Variants in DENND2B observed in about 807,000 individuals in gnomAD.
DENND2B encodes the protein DENN domain-containing protein 2B.
In DENND2B, 32 loss-of-function variants were observed where a neutral mutation model predicts 116.0. That is an observed-to-expected ratio of 0.28 (90% CI 0.21 to 0.37). The LOEUF is 0.37. Ranked by LOEUF, DENND2B falls within the 10% of genes least tolerant of loss-of-function variation. The pLI is 1.00. For synonymous variants in DENND2B, 588 were observed against 583.9 expected, an observed-to-expected ratio of 1.01 and a Z score of -0.10; for missense variants, 1,276 against 1,477.7, an observed-to-expected ratio of 0.86 and a Z score of 2.24.
intron 2 of DENND2B, among the ~76,000 whole-genome samples, chr11:8,734,647 G>A (rs2048665349): frequency 6.6e-6 from 1 of 151,956 alleles, no homozygotes. Flanking sequence ...AAATTAGCTG[G>A]GCGTGGTGGC....
intron 1 of DENND2B, among the ~76,000 whole-genome samples, chr11:8,754,029 G>GCGCGCGCGCACA (rs146486674): frequency 1.3e-3 from 181 of 138,834 alleles, no homozygotes; most frequent in African/African-American, 4.3e-3. Context: ...CCAAAAGCGC[G>GCGCGCGCGCACA]CACACACACA....
In DENND2B at chr11:8,734,768, A is replaced by G. The variant is rs2048691083; in HGVS notation, c.81-3559T>C. ...CACGCCATTGCACTCCGGCCTGGGC[A>G]GCAAGAGTGAAAACAAGAGTCTCAA... On this transcript the variant is annotated intron_variant, in intron 2 of 19. Coordinates refer to ENST00000313726, the MANE Select transcript of DENND2B (RefSeq NM_213618.2). Among the ~76,000 whole-genome samples the G allele has an allele frequency of 2.1e-5, 3 of 144,128 alleles. No individual in the cohort carries two copies. The Admixed American group carries it at 2.2e-4, about 11-fold the overall frequency. 94.6% of individuals were successfully genotyped at this position (144,128 alleles called of 152,430 possible). A position where few individuals can be genotyped will look rare whatever the true frequency, so the allele number is the denominator to read the frequency against.
Position 8,909,437 on chromosome 11 carries a change from G to A in DENND2B, c.-256+1384C>T, listed in dbSNP as rs72852706. On this transcript the variant is annotated intron_variant, in intron 1 of 22. Coordinates refer to the DENND2B transcript ENST00000534127. ...AGAGGAAGAGGAAGGAGGAGGAGGAGGAAGAAGGAGAAGGAGAAGGAGAAG... is the reference window on the plus strand; with the variant it reads ...AGAGGAAGAGGAAGGAGGAGGAGGAAGAAGAAGGAGAAGGAGAAGGAGAAG... 9.9e-3 allele frequency among the ~76,000 whole-genome samples: 1,471 copies of A among 148,848 alleles called. 29 individuals are homozygous for A. The highest frequency in any genetic ancestry group is 0.032 in the African/African-American group (1,306 of 40,656).
chr11:8,734,985 T>C lies in DENND2B; in HGVS notation c.81-3776A>G, dbSNP rs528895376. Among the ~76,000 whole-genome samples, 143 of 114,082 alleles carry C rather than the reference T, an allele frequency of 1.3e-3. 1 individual carries two copies. Among genetic ancestry groups the C allele is most frequent in the African/African-American group, 4.7e-3 (135 of 29,016 alleles). 74.8% of individuals were successfully genotyped at this position (114,082 alleles called of 152,430 possible). On this transcript the variant is annotated intron_variant, in intron 2 of 19. Coordinates refer to ENST00000313726, the MANE Select transcript of DENND2B (RefSeq NM_213618.2). Reference sequence around the variant, plus strand: ...TGGTCAGTTTGCCACTGTCAATGGATCCTGAACGCTGTCGGGGCAGGGGGG... The same window carrying C: ...TGGTCAGTTTGCCACTGTCAATGGACCCTGAACGCTGTCGGGGCAGGGGGG...
rs1200771137 is a variant in DENND2B, at chr11:8,867,637, G to A, written c.-250+3317C>T. Among the ~76,000 whole-genome samples, 6 of 129,160 alleles carry A rather than the reference G, an allele frequency of 4.6e-5. No individual in the cohort carries two copies. The East Asian group carries it at 1.5e-3, about 32-fold the overall frequency. The allele number at this position is 129,160 out of a possible 152,430, so 84.7% of individuals were successfully genotyped here. A position where few individuals can be genotyped will look rare whatever the true frequency, so the allele number is the denominator to read the frequency against. ...TCTGTCACTCAGGCTGCAGTGCAGTGGCATGATCATGGCTTACTGCAGCCT... is the reference window on the plus strand; with the variant it reads ...TCTGTCACTCAGGCTGCAGTGCAGTAGCATGATCATGGCTTACTGCAGCCT... On this transcript the variant is annotated intron_variant, in intron 2 of 6. Transcript: ENST00000524757.
At chr11:8,703,063 T>G in intron 13 of DENND2B, 1 of 256,850 alleles carries the variant, frequency 3.9e-6, no homozygotes, top group Non-Finnish European at 7.6e-6. Context: ...GCCACATCTC[T>G]AGGGTCCTCC....
intron 3 of DENND2B, among the ~76,000 whole-genome samples, chr11:8,840,358 C>T (rs544595615): frequency 7.0e-4 from 107 of 152,256 alleles, no homozygotes; most frequent in Middle Eastern, 6.8e-3. Flanking sequence ...AGCTAAGATT[C>T]TGCTGCTTGG....
At chr11:8,699,920 C>T in intron 14 of DENND2B, 1 of 456,342 alleles carries the variant, frequency 2.2e-6, no homozygotes, top group Non-Finnish European at 4.4e-6. Context: ...TTCCAAGACC[C>T]CAGATTGGCA....
At chr11:8,866,459 T>A (rs998850652) in intron 2 of DENND2B, among the ~76,000 whole-genome samples, 1 of 152,172 alleles carries the variant, frequency 6.6e-6, no homozygotes, top group African/African-American at 2.4e-5. Flanking sequence ...AAAACTAGGT[T>A]CAAGAGCATT....
intron 3 of DENND2B, among the ~76,000 whole-genome samples, chr11:8,849,016 A>C (rs2062907374): frequency 6.6e-6 from 1 of 152,122 alleles, no homozygotes; most frequent in Non-Finnish European, 1.5e-5. Flanking sequence ...TATTCATAAT[A>C]AAAAAGAAAT....
intron 2 of DENND2B, among the ~76,000 whole-genome samples, chr11:8,743,320 C>T (rs2050579466): frequency 2.0e-5 from 3 of 151,418 alleles, no homozygotes; most frequent in African/African-American, 7.3e-5. Context: ...GAGGCTGAGG[C>T]GGGTGGATCA....
chr11:8,831,417 C>T (rs998656710), intron 4 of DENND2B: 1 of 152,348 alleles, frequency 6.6e-6, no homozygotes, highest in Non-Finnish European at 1.5e-5. Context: ...TGCAAAAGTC[C>T]CAGCTTTTGT....
At chr11:8,848,146 G>A (rs2062875882) in intron 3 of DENND2B, among the ~76,000 whole-genome samples, 1 of 152,146 alleles carries the variant, frequency 6.6e-6, no homozygotes, top group Non-Finnish European at 1.5e-5. Flanking sequence ...GTCCAGAGAT[G>A]CATATAAAAC....
In DENND2B at chr11:8,699,233, T is replaced by G; in HGVS notation, c.2878A>C (p.Lys960Gln). 1 of 1,573,554 alleles carries G rather than the reference T, an allele frequency of 6.4e-7. No homozygotes were observed. The highest frequency in any genetic ancestry group is 8.6e-7 in the Non-Finnish European group (1 of 1,165,194). The change falls in exon 15 of 20, where the codon AAG becomes CAG. Residue 960 changes from lysine (K) to glutamine (Q), a missense_variant. Physicochemically the swap from Lys to Gln is moderately conservative, Grantham distance 53. Transcript: ENST00000313726. ...CCCACCTCCTCCACAGGCAGCTCCT[T>G]CAGTTTGGGGAGGGAGCTGGAGAGC... ...GLLSSSLPKLKELPVEEALMV... is the reference protein window; with the variant it reads ...GLLSSSLPKLQELPVEEALMV...
chr11:8,749,885 C>T (rs189450186), intron 2 of DENND2B, among the ~76,000 whole-genome samples: 27 of 152,294 alleles, frequency 1.8e-4, no homozygotes, highest in Admixed American at 5.9e-4. Flanking sequence ...TTGGCCAAGA[C>T]CAGAGAAGCC....
rs1360561756 is a variant in DENND2B at position 8,890,814 on chromosome 11, T to A, written c.-255-9705A>T. Reference sequence around the variant, plus strand: ...AGAATGGAACCAAGTTGGAAAACACTCTGCAGGATATTATCCAGGAGAACT... The same window carrying A: ...AGAATGGAACCAAGTTGGAAAACACACTGCAGGATATTATCCAGGAGAACT... On this transcript the variant is annotated intron_variant, in intron 1 of 22. Transcript: ENST00000534127. 2.0e-5 allele frequency among the ~76,000 whole-genome samples: 3 copies of A among 152,276 alleles called. No homozygotes were observed. In the East Asian group the frequency reaches 5.8e-4, roughly 29 times the overall value.
intron 1 of DENND2B, among the ~76,000 whole-genome samples, chr11:8,890,516 C>A (rs2064018171): frequency 6.6e-6 from 1 of 152,004 alleles, no homozygotes; most frequent in Non-Finnish European, 1.5e-5. Context: ...GAATGGCTAA[C>A]TAGAATAACC....
In DENND2B at chr11:8,702,018, G is replaced by A. The variant is rs2041791874; in HGVS notation, c.2720+554C>T. Among the ~76,000 whole-genome samples the A allele has an allele frequency of 6.6e-6, 1 of 151,916 alleles. No individual in the cohort carries two copies. Among genetic ancestry groups the A allele is most frequent in the African/African-American group, 2.4e-5 (1 of 41,350 alleles). Reference sequence around the variant, plus strand: ...CCCACTCTCCTCTCTGCACCTCAGTGCCCCCATCACATCCTTCTCCCCAGC... The same window carrying A: ...CCCACTCTCCTCTCTGCACCTCAGTACCCCCATCACATCCTTCTCCCCAGC... On this transcript the variant is annotated intron_variant, in intron 14 of 19. Coordinates refer to ENST00000313726, the MANE Select transcript of DENND2B (RefSeq NM_213618.2). The surrounding 1 kb of genome is among the most constrained non-coding windows in gnomAD (Gnocchi z 4.6).
At chr11:8,888,903 G>A (rs2063992599) in intron 1 of DENND2B, among the ~76,000 whole-genome samples, 1 of 151,958 alleles carries the variant, frequency 6.6e-6, no homozygotes, top group African/African-American at 2.4e-5. Context: ...CTACCATTAA[G>A]GAAAACAAAG....
Sources: allele counts gnomAD v4.1 joint callset (sites outside exome capture counted in the v4.1 genomes callset), GRCh38; gene constraint gnomAD v4.1.1; non-coding constraint Gnocchi (gnomAD v3.1); transcripts MANE v1.5; gene names NCBI Gene and HGNC (gene_info 2026-07-23, HGNC 2026-07-21).